The following ACOT7 variants were observed in gnomAD, a reference collection of about 807,000 sequenced individuals.
ACOT7 encodes the protein cytosolic acyl coenzyme A thioester hydrolase.
ACOT7 carries 12 observed loss-of-function variants against 40.2 expected under a neutral mutation model. The observed-to-expected ratio is 0.30, with a 90% confidence interval of 0.19 to 0.48. The LOEUF (loss-of-function observed/expected upper bound fraction) is 0.48. Ranked by LOEUF, ACOT7 falls within the 20% of genes least tolerant of loss-of-function variation. The pLI is 0.99. For synonymous variants in ACOT7, 228 were observed against 219.5 expected (o/e 1.04, Z -0.34); for missense variants, 395 against 530.8 (o/e 0.74, Z 2.51).
At chr1:6,364,764 C>T (rs1167525996) in intron 1 of ACOT7, among the ~76,000 whole-genome samples, 1 of 148,738 alleles carries the variant, frequency 6.7e-6, no homozygotes, top group Non-Finnish European at 1.5e-5. Context: ...AGGAGAATCA[C>T]TTGAACCCGG....
chr1:6,355,740 C>A lies in ACOT7; in HGVS notation c.144-5874G>T, dbSNP rs1004424832. On this transcript the variant is annotated intron_variant, in intron 1 of 8. Coordinates refer to ENST00000361521, the MANE Select transcript of ACOT7 (RefSeq NM_007274.4). This position sits in a 1 kb window ranked among gnomAD's most constrained non-coding sequence, Gnocchi z 5.0. Reference sequence around the variant, plus strand: ...AGCTCAAAACTCAGATCTCATCACACCAGAGGCCGGCCAGCACTCATCCCA... The same window carrying A: ...AGCTCAAAACTCAGATCTCATCACAACAGAGGCCGGCCAGCACTCATCCCA... Among the ~76,000 whole-genome samples, 4 of 152,230 alleles carry A rather than the reference C, an allele frequency of 2.6e-5. No homozygotes were observed. Among genetic ancestry groups the A allele is most frequent in the African/African-American group, 9.6e-5 (4 of 41,452 alleles).
At chr1:6,296,392 G>A (rs1270607664) in intron 6 of ACOT7, among the ~76,000 whole-genome samples, 1 of 151,734 alleles carries the variant, frequency 6.6e-6, no homozygotes, top group Non-Finnish European at 1.5e-5. Flanking sequence ...CTCATCCCTG[G>A]TACAACACAT....
chr1:6,341,947 T>C (rs1641288923), intron 2 of ACOT7, among the ~76,000 whole-genome samples: 2 of 152,138 alleles, frequency 1.3e-5, no homozygotes, highest in Admixed American at 1.3e-4. Context: ...GGCTCCCAGA[T>C]GGTGGACATG....
intron 2 of ACOT7, among the ~76,000 whole-genome samples, chr1:6,349,449 C>CT (rs1641523918): frequency 6.6e-6 from 1 of 152,234 alleles, no homozygotes; most frequent in Admixed American, 6.5e-5. Flanking sequence ...GCGGGGCATG[C>CT]TTCTGATCAG....
intron 8 of ACOT7, among the ~76,000 whole-genome samples, chr1:6,269,132 T>G (rs758493013): frequency 6.6e-6 from 1 of 152,160 alleles, no homozygotes; most frequent in Admixed American, 6.5e-5. Flanking sequence ...AATGAGGAAG[T>G]GAAGCACAGA....
chr1:6,362,443 GA>G (rs972459063), intron 1 of ACOT7, among the ~76,000 whole-genome samples: 16 of 145,388 alleles, frequency 1.1e-4, no homozygotes, highest in African/African-American at 2.3e-4. Flanking sequence ...AAAAAAAAAA[GA>G]AAAAAAAAAG....
At chr1:6,300,914 G>C (rs1402663632) in intron 6 of ACOT7, among the ~76,000 whole-genome samples, 1 of 152,234 alleles carries the variant, frequency 6.6e-6, no homozygotes, top group Non-Finnish European at 1.5e-5. Flanking sequence ...TACAAGTCAG[G>C]AACCAGACAC....
At chr1:6,268,517 C>T (rs72632591) in intron 8 of ACOT7, among the ~76,000 whole-genome samples, 3,685 of 152,316 alleles carry the variant, frequency 0.024, 77 homozygotes, top group African/African-American at 0.053. Flanking sequence ...CTTGGCTTTA[C>T]AAGCGGTGGG....
Position 6,349,774 on chromosome 1 carries a change from G to C in ACOT7, c.236C>G (p.Thr79Ser). Reference sequence around the variant, plus strand: ...CCCGTTCTGGCTGTTGCAATGCCGGGTGCTGATGATGGCGCCTGCCTCCTC... The same window carrying C: ...CCCGTTCTGGCTGTTGCAATGCCGGCTGCTGATGATGGCGCCTGCCTCCTC... The part of the protein sequence containing the change: ...MIEEAGAIIS[T>S]RHCNSQNGER... The change falls in exon 2 of 9, where the codon ACC (threonine) becomes AGC (serine). Residue 79 changes from threonine to serine, a missense_variant. This residue lies in a region of ACOT7 where 309 missense variants were observed against 470.3 expected (regional missense o/e 0.66). Coordinates refer to ENST00000361521, the MANE Select transcript of ACOT7 (RefSeq NM_007274.4). 6.2e-7 allele frequency: 1 copy of C among 1,614,034 alleles called. No homozygotes were observed. The highest frequency in any genetic ancestry group is 8.5e-7 in the Non-Finnish European group (1 of 1,179,996).
chr1:6,271,827 C>A (rs759147781), intron 8 of ACOT7, among the ~76,000 whole-genome samples: 1 of 152,268 alleles, frequency 6.6e-6, no homozygotes, highest in Non-Finnish European at 1.5e-5. Flanking sequence ...AAAGAACTGC[C>A]CCCAAGTGGG....
intron 5 of ACOT7, among the ~76,000 whole-genome samples, chr1:6,321,317 T>C (rs182890057): frequency 4.1e-4 from 63 of 152,288 alleles, no homozygotes; most frequent in Admixed American, 2.0e-3. Flanking sequence ...CTCGTAAACT[T>C]AGTAGGCATC....
At chr1:6,369,138 C>T (rs138874138) in intron 1 of ACOT7, among the ~76,000 whole-genome samples, 1,549 of 151,956 alleles carry the variant, frequency 0.01, 10 homozygotes, top group Non-Finnish European at 0.016. Context: ...CACATGCCAC[C>T]ACATCTAGCT....
At chr1:6,314,459 T>C (rs902558218) in intron 6 of ACOT7, among the ~76,000 whole-genome samples, 34 of 151,968 alleles carry the variant, frequency 2.2e-4, no homozygotes, top group African/African-American at 8.0e-4. Context: ...AAGTGAAGAA[T>C]GCATGCTCAA....
chr1:6,321,216 C>T (rs954043842), intron 5 of ACOT7, among the ~76,000 whole-genome samples: 3 of 152,180 alleles, frequency 2.0e-5, no homozygotes, highest in Non-Finnish European at 2.9e-5. Context: ...TAGGGGCCCA[C>T]GGCCCACCTC....
intron 5 of ACOT7, among the ~76,000 whole-genome samples, chr1:6,323,029 C>A (rs181571527): frequency 4.4e-4 from 67 of 152,088 alleles, no homozygotes; most frequent in African/African-American, 1.2e-3. Flanking sequence ...ACTTGGGAGG[C>A]TAAGGCAGGA....
intron 5 of ACOT7, among the ~76,000 whole-genome samples, chr1:6,322,231 G>A (rs1341875235): frequency 3.4e-5 from 4 of 118,802 alleles, no homozygotes; most frequent in African/African-American, 9.7e-5. Flanking sequence ...ACCTCTTGAC[G>A]CATATTCAGG....
intron 1 of ACOT7, among the ~76,000 whole-genome samples, chr1:6,386,801 G>C (rs898680749): frequency 5.9e-5 from 9 of 152,198 alleles, no homozygotes; most frequent in South Asian, 2.1e-4. Flanking sequence ...TGGGGCTGCA[G>C]AGAACCATGA....
intron 6 of ACOT7, among the ~76,000 whole-genome samples, chr1:6,298,379 C>A (rs1227709477): frequency 6.6e-6 from 1 of 152,192 alleles, no homozygotes; most frequent in Non-Finnish European, 1.5e-5. Flanking sequence ...AAGTGATCCA[C>A]CTGCCTTGGT....
chr1:6,333,545 C>T lies in ACOT7; in HGVS notation c.442G>A (p.Ala148Thr). ...GACAGGGGCACATACCACAGGGTGG[C>T]CTTATTGGTCAGCTTTTTGGCACCT... is the stretch of plus-strand genomic sequence containing the variant. ...LTGAKKLTNKATLWYVPLSLK... is the reference protein window; with the variant it reads ...LTGAKKLTNKTTLWYVPLSLK... The change falls in exon 4 of 9, where the codon GCC (alanine) becomes ACC (threonine). Residue 148 changes from alanine to threonine, a missense_variant. Ala to Thr is a moderately conservative substitution (Grantham distance 58, BLOSUM62 0). Transcript: ENST00000361521. 1.2e-6 allele frequency: 2 copies of T among 1,614,214 alleles called. No homozygotes were observed. The highest frequency in any genetic ancestry group is 1.7e-6 in the Non-Finnish European group (2 of 1,180,032).
Sources: gnomAD v4.1 joint callset for allele counts (sites outside exome capture counted in the v4.1 genomes callset) on GRCh38, gnomAD v4.1.1 for gene constraint, gnomAD v4.1.1 regional missense constraint, Gnocchi (gnomAD v3.1) non-coding constraint, MANE v1.5 for transcripts, NCBI Gene and HGNC (gene_info 2026-07-23, HGNC 2026-07-21) for gene names.